LRP5: variants seen among roughly 807,000 people sequenced by gnomAD.
The protein encoded by LRP5 is low-density lipoprotein receptor-related protein 5.
LRP5 carries 62 observed loss-of-function variants against 154.1 expected under a neutral mutation model. That is an observed-to-expected ratio of 0.40 (90% CI 0.33 to 0.50). The LOEUF (loss-of-function observed/expected upper bound fraction) is 0.50, where lower values mean the gene tolerates loss of function less well. LRP5 is among the 20% of genes least tolerant of loss of function. The pLI is 0.55. For missense variants in LRP5, 1,915 were observed against 2,336.7 expected (o/e 0.82, Z 3.72); for synonymous variants, 966 against 1,011.5 (o/e 0.96, Z 0.85).
At chr11:68,302,450 T>C in the LRP5 span, among the ~76,000 whole-genome samples, 1 of 151,658 alleles carries the variant, frequency 6.6e-6, no homozygotes, top group African/African-American at 2.4e-5. Flanking sequence ...GGAGGGGGCC[T>C]GCAGAAGGAA....
chr11:68,402,386 T>C (rs770850082), intron 7 of LRP5, among the ~76,000 whole-genome samples: 5 of 152,176 alleles, frequency 3.3e-5, no homozygotes, highest in South Asian at 2.1e-4. Flanking sequence ...CAGCATTGAC[T>C]CTTCAAGAAA....
At chr11:68,356,079 C>T (rs1374953183) in intron 2 of LRP5, among the ~76,000 whole-genome samples, 1 of 150,982 alleles carries the variant, frequency 6.6e-6, no homozygotes, top group Non-Finnish European at 1.5e-5. Context: ...CTCCTGACCT[C>T]GTGATCCGCC....
At chr11:68,320,279 A>G (rs1432568958) in intron 1 of LRP5, among the ~76,000 whole-genome samples, 1 of 152,228 alleles carries the variant, frequency 6.6e-6, no homozygotes, top group African/African-American at 2.4e-5. Context: ...GATGCTGGCA[A>G]TTACAAGATT....
rs796314931 is a variant in LRP5 at position 68,376,338 on chromosome 11, C to T, written c.1016-9978C>T. Among the ~76,000 whole-genome samples the T allele has an allele frequency of 9.5e-4, 144 of 152,242 alleles. 1 individual carries two copies. The highest frequency in any genetic ancestry group is 3.2e-3 in the African/African-American group (133 of 41,538). ...CTTGGACTATAGGCACCCGCCACCACACTCGGCTTATTTTTTGTATTTTTA... is the reference window on the plus strand; with the variant it reads ...CTTGGACTATAGGCACCCGCCACCATACTCGGCTTATTTTTTGTATTTTTA... On this transcript the variant is annotated intron_variant, in intron 5 of 22. Coordinates refer to ENST00000294304, the MANE Select transcript of LRP5 (RefSeq NM_002335.4).
Position 68,423,822 on chromosome 11 carries a change from C to A in LRP5, c.3236+125C>A. 1.1e-6 allele frequency: 1 copy of A among 894,728 alleles called. No homozygotes were observed. Among genetic ancestry groups the A allele is most frequent in the East Asian group, 2.6e-5 (1 of 38,112 alleles). 55.4% of individuals were successfully genotyped at this position (894,728 alleles called of 1,614,324 possible). On this transcript the variant is annotated intron_variant, in intron 14 of 22. Coordinates refer to ENST00000294304, the MANE Select transcript of LRP5 (RefSeq NM_002335.4). The surrounding 1 kb of genome is among the most constrained non-coding windows in gnomAD (Gnocchi z 4.7). Reference sequence around the variant, plus strand: ...CCCTGGGGATCCAATGGGTGGCTTTCCAGGGTCCCAAAAGCAAACACAGGC... The same window carrying A: ...CCCTGGGGATCCAATGGGTGGCTTTACAGGGTCCCAAAAGCAAACACAGGC...
the LRP5 span, among the ~76,000 whole-genome samples, chr11:68,304,040 C>T: frequency 2.6e-5 from 4 of 152,146 alleles, no homozygotes; most frequent in East Asian, 1.9e-4. Flanking sequence ...AAAAAGGAGC[C>T]GACTGCCAAT....
At chr11:68,337,214 C>T (rs915259740) in intron 1 of LRP5, among the ~76,000 whole-genome samples, 5 of 152,070 alleles carry the variant, frequency 3.3e-5, no homozygotes, top group African/African-American at 7.3e-5. Context: ...CACATCATGC[C>T]GATGCGGGGT....
intron 8 of LRP5, 60 bp from the exon 9 acceptor site, chr11:68,406,464 G>A (rs1346088652): frequency 1.4e-5 from 22 of 1,554,452 alleles, no homozygotes; most frequent in Middle Eastern, 1.7e-4. Flanking sequence ...TGGCTTGGCC[G>A]CACCCCTTTC....
At chr11:68,315,179 C>T (rs1395871303) in intron 1 of LRP5, among the ~76,000 whole-genome samples, 1 of 152,184 alleles carries the variant, frequency 6.6e-6, no homozygotes, top group Non-Finnish European at 1.5e-5. Flanking sequence ...TTTCTGTTAT[C>T]TCACCCCGTT....
chr11:68,358,159 A>T (rs2098624781), intron 3 of LRP5, among the ~76,000 whole-genome samples: 1 of 151,592 alleles, frequency 6.6e-6, no homozygotes. Flanking sequence ...TCTTTCACCC[A>T]GGCTGGAGTG....
intron 21 of LRP5, among the ~76,000 whole-genome samples, chr11:68,443,504 AAAAG>A (rs2098679318): frequency 9.1e-5 from 12 of 131,348 alleles, no homozygotes; most frequent in African/African-American, 2.5e-4. Flanking sequence ...AAAAAAAAAA[AAAAG>A]AAAAGAAAAG....
chr11:68,310,973 A>G (rs941000146), upstream of LRP5, among the ~76,000 whole-genome samples: 2 of 151,860 alleles, frequency 1.3e-5, no homozygotes, highest in African/African-American at 4.8e-5. Context: ...TTCTTTCCTG[A>G]GATGGCAGCC....
intron 8 of LRP5, among the ~76,000 whole-genome samples, chr11:68,405,908 T>C (rs1160136287): frequency 1.3e-5 from 2 of 152,388 alleles, no homozygotes; most frequent in Non-Finnish European, 2.9e-5. Context: ...GAGGGGCAAC[T>C]TGCCTGGTCC....
intron 2 of LRP5, among the ~76,000 whole-genome samples, chr11:68,350,495 T>C (rs1246978096): frequency 6.6e-6 from 1 of 152,240 alleles, no homozygotes; most frequent in East Asian, 1.9e-4. Context: ...GGAGTAGGAC[T>C]GAAGACCCCT....
intron 1 of LRP5, among the ~76,000 whole-genome samples, chr11:68,324,349 A>T (rs1157767907): frequency 1.3e-5 from 2 of 152,176 alleles, no homozygotes. Flanking sequence ...AGGCTCAGAG[A>T]CTTGTGTGCC....
intron 22 of LRP5, chr11:68,446,912 G>A (rs2098681754): frequency 1.1e-5 from 4 of 355,844 alleles, no homozygotes; most frequent in Non-Finnish European, 2.2e-5. Flanking sequence ...CCTCTTGGTG[G>A]CTCTGTCCTC....
chr11:68,345,428 C>T (rs1340628526), intron 1 of LRP5, among the ~76,000 whole-genome samples: 1 of 152,100 alleles, frequency 6.6e-6, no homozygotes, highest in Non-Finnish European at 1.5e-5. Context: ...GCTGGGATTA[C>T]AGGTGCCCGT....
In LRP5 at chr11:68,449,047, T is replaced by C. The variant is rs1339707885; in HGVS notation, c.4825T>C (p.Ser1609Pro). Residue 1609 changes from serine (S) to proline (P), a missense_variant, in exon 23 of 23, where the codon TCC (serine) becomes CCC (proline). Ser to Pro is a moderately conservative substitution (Grantham distance 74). This residue lies in a region of LRP5 where 1,094 missense variants were observed against 1,210.1 expected (regional missense o/e 0.90). Coordinates refer to ENST00000294304, the MANE Select transcript of LRP5 (RefSeq NM_002335.4). The part of the protein sequence containing the change: ...SYFHLFPPPP[S>P]PCTDSS ...CTTCCATCTCTTCCCGCCCCCTCCG[T>C]CCCCCTGCACGGACTCATCCTGACC... 6.4e-7 allele frequency: 1 copy of C among 1,573,770 alleles called. No homozygotes were observed. Among genetic ancestry groups the C allele is most frequent in the Non-Finnish European group, 8.6e-7 (1 of 1,163,144 alleles).
rs61887821 is a variant in LRP5 at position 68,332,154 on chromosome 11, G to A, written c.92-15693G>A. Reference sequence around the variant, plus strand: ...CCTGAGCTCCTCCGCTCTTGTGGTCGTTAAGAAAAGCTTTTTATAATCCAA... The same window carrying A: ...CCTGAGCTCCTCCGCTCTTGTGGTCATTAAGAAAAGCTTTTTATAATCCAA... On this transcript the variant is annotated intron_variant, in intron 1 of 22. Coordinates refer to ENST00000294304, the MANE Select transcript of LRP5 (RefSeq NM_002335.4). 2.9e-3 allele frequency among the ~76,000 whole-genome samples: 447 copies of A among 152,262 alleles called. 1 individual carries two copies. Among genetic ancestry groups the A allele is most frequent in the Middle Eastern group, 0.017 (5 of 294 alleles).
Sources: gnomAD v4.1 joint callset for allele counts (sites outside exome capture counted in the v4.1 genomes callset) on GRCh38, gnomAD v4.1.1 for gene constraint, gnomAD v4.1.1 regional missense constraint, Gnocchi (gnomAD v3.1) non-coding constraint, MANE v1.5 for transcripts, NCBI Gene and HGNC (gene_info 2026-07-23, HGNC 2026-07-21) for gene names.